Variants in GPC5 observed in about 807,000 individuals in gnomAD.
The protein encoded by GPC5 is glypican-5.
Under a neutral mutation model 53.9 loss-of-function variants are expected in GPC5, and 47 were observed. That is an observed-to-expected ratio of 0.87 (90% CI 0.69 to 1.11). The LOEUF (loss-of-function observed/expected upper bound fraction) is 1.11, where lower values mean the gene tolerates loss of function less well. Among genes scored for constraint, GPC5 ranks in the 50% most tolerant of loss-of-function variants. GPC5 has a pLI of 0.00. For missense variants in GPC5, 748 were observed against 713.1 expected (o/e 1.05, Z -0.56); for synonymous variants, 286 against 263.3 (o/e 1.09, Z -0.84).
At chr13:92,141,327 T>C (rs1301605339) in intron 6 of GPC5, among the ~76,000 whole-genome samples, 2 of 152,128 alleles carry the variant, frequency 1.3e-5, no homozygotes, top group African/African-American at 4.8e-5. Context: ...GGACTGAGAA[T>C]CACGAATCGG....
At chr13:92,501,232 AT>A (rs1880172512) in intron 7 of GPC5, among the ~76,000 whole-genome samples, 1 of 152,208 alleles carries the variant, frequency 6.6e-6, no homozygotes. Context: ...GTAAAAATGT[AT>A]TGCAGGAATG....
chr13:92,385,353 T>TAC (rs1476225672), intron 7 of GPC5, among the ~76,000 whole-genome samples: 6 of 87,746 alleles, frequency 6.8e-5, no homozygotes, highest in African/African-American at 2.2e-4. Context: ...TATACATATA[T>TAC]ACATATATAC....
At chr13:92,525,203 T>C (rs1881225431) in intron 7 of GPC5, among the ~76,000 whole-genome samples, 1 of 152,054 alleles carries the variant, frequency 6.6e-6, no homozygotes, top group South Asian at 2.1e-4. Flanking sequence ...GGCCTACTAC[T>C]TGCTAATTAT....
intron 7 of GPC5, among the ~76,000 whole-genome samples, chr13:92,335,635 T>G (rs1217111872): frequency 6.6e-6 from 1 of 152,164 alleles, no homozygotes; most frequent in African/African-American, 2.4e-5. Context: ...TCCTCTGGAA[T>G]GCTTTGTTGC....
At chr13:91,856,523 T>G (rs1389102836) in intron 5 of GPC5, among the ~76,000 whole-genome samples, 2 of 151,554 alleles carry the variant, frequency 1.3e-5, no homozygotes, top group Non-Finnish European at 3.0e-5. Flanking sequence ...AGTAACTCTT[T>G]GTGGTTTTAA....
intron 7 of GPC5, among the ~76,000 whole-genome samples, chr13:92,763,023 G>C (rs757955008): frequency 8.6e-5 from 13 of 151,288 alleles, no homozygotes; most frequent in Non-Finnish European, 1.9e-4. Context: ...TTCTGATATT[G>C]TTGAATTGTC....
At chr13:92,315,441 C>G (rs935253156) in intron 7 of GPC5, among the ~76,000 whole-genome samples, 1 of 152,194 alleles carries the variant, frequency 6.6e-6, no homozygotes, top group African/African-American at 2.4e-5. Flanking sequence ...AACATTCTGA[C>G]TCATACCCAT....
At chr13:91,641,972 G>T (rs902889251) in intron 2 of GPC5, among the ~76,000 whole-genome samples, 17 of 152,194 alleles carry the variant, frequency 1.1e-4, no homozygotes, top group African/African-American at 4.1e-4. Context: ...GAAACAACAT[G>T]ATTTCTAAAT....
At chr13:91,955,202 G>A (rs1377032346) in intron 6 of GPC5, among the ~76,000 whole-genome samples, 1 of 152,124 alleles carries the variant, frequency 6.6e-6, no homozygotes. Flanking sequence ...TTTAATCTAT[G>A]TGTGTTTATG....
At chr13:92,042,241 G>C (rs2040947471) in intron 6 of GPC5, among the ~76,000 whole-genome samples, 1 of 152,094 alleles carries the variant, frequency 6.6e-6, no homozygotes, top group African/African-American at 2.4e-5. Flanking sequence ...TAGGTTTTTG[G>C]CTACAAGCTG....
chr13:92,651,414 T>C (rs1385248004), intron 7 of GPC5, among the ~76,000 whole-genome samples: 1 of 152,078 alleles, frequency 6.6e-6, no homozygotes, highest in Non-Finnish European at 1.5e-5. Flanking sequence ...ATAACCTCAG[T>C]CTAATCATGA....
chr13:91,737,479 T>A (rs900797287), intron 4 of GPC5, among the ~76,000 whole-genome samples: 3 of 70,162 alleles, frequency 4.3e-5, no homozygotes, highest in African/African-American at 1.7e-4. Context: ...AATTTAGCAG[T>A]TTCCATAGCT....
chr13:91,993,521 T>C (rs1309242392), intron 6 of GPC5, among the ~76,000 whole-genome samples: 1 of 152,152 alleles, frequency 6.6e-6, no homozygotes, highest in Non-Finnish European at 1.5e-5. Context: ...TCATTCAAAC[T>C]TATCAAAGTG....
chr13:91,840,257 G>A (rs1484034744), intron 5 of GPC5, among the ~76,000 whole-genome samples: 1 of 151,628 alleles, frequency 6.6e-6, no homozygotes, highest in East Asian at 1.9e-4. Flanking sequence ...TTTGAGATCC[G>A]GCACTTTGAC....
At chr13:92,613,483 T>A (rs1345138351) in intron 7 of GPC5, among the ~76,000 whole-genome samples, 10 of 99,034 alleles carry the variant, frequency 1.0e-4, no homozygotes, top group Admixed American at 6.6e-4. Context: ...AATTTATATA[T>A]AAATATGTAA....
intron 3 of GPC5, among the ~76,000 whole-genome samples, chr13:91,715,664 A>G: frequency 1.3e-5 from 2 of 152,274 alleles, no homozygotes. Flanking sequence ...CTATAACAAT[A>G]GAAATATGTG....
At chr13:91,594,432 A>G (rs1327273516) in intron 2 of GPC5, among the ~76,000 whole-genome samples, 2 of 152,344 alleles carry the variant, frequency 1.3e-5, no homozygotes, top group South Asian at 2.1e-4. Context: ...TTGTCAATGT[A>G]AATGGAAACC....
chr13:91,642,771 A>C (rs1348130476), intron 2 of GPC5, among the ~76,000 whole-genome samples: 1 of 151,804 alleles, frequency 6.6e-6, no homozygotes, highest in Non-Finnish European at 1.5e-5. Context: ...AGATTATAGA[A>C]GCATTGGAAA....
At chr13:91,561,696 G>T (rs970267747) in intron 2 of GPC5, among the ~76,000 whole-genome samples, 3 of 151,954 alleles carry the variant, frequency 2.0e-5, no homozygotes, top group Non-Finnish European at 4.4e-5. Flanking sequence ...GCAGAAGTTA[G>T]GTGGATCTTT....
Sources: gnomAD v4.1 joint callset for allele counts (sites outside exome capture counted in the v4.1 genomes callset) on GRCh38, gnomAD v4.1.1 for gene constraint, MANE v1.5 for transcripts, NCBI Gene and HGNC (gene_info 2026-07-23, HGNC 2026-07-21) for gene names.